DMD: variants seen among roughly 807,000 people sequenced by gnomAD.
DMD encodes the protein mutant dystrophin.
DMD carries 63 observed loss-of-function variants against 330.1 expected under a neutral mutation model. The ratio of observed to expected loss-of-function variants is 0.19; its 90% CI spans 0.16 to 0.24. The LOEUF (loss-of-function observed/expected upper bound fraction) is 0.24, where lower values mean the gene tolerates loss of function less well. Ranked by LOEUF, DMD falls within the 10% of genes least tolerant of loss-of-function variation. DMD has a pLI of 1.00. For missense variants in DMD, 3,344 were observed against 2,684.1 expected, an observed-to-expected ratio of 1.25 and a Z score of -5.43; for synonymous variants, 1,223 against 959.8, an observed-to-expected ratio of 1.27 and a Z score of -5.07.
intron 65 of DMD, among the ~76,000 whole-genome samples, 160 bp from the exon 66 acceptor site, chrX:31,206,827 C>T (rs749919899): frequency 8.9e-6 from 1 of 111,936 alleles, no homozygotes; most frequent in East Asian, 2.8e-4. Context: ...TTGTTTTGAA[C>T]TTTTCCAAAT....
chrX:31,969,441 T>C (rs977553392), intron 44 of DMD, among the ~76,000 whole-genome samples: 1 of 111,611 alleles, frequency 9.0e-6, no homozygotes, highest in African/African-American at 3.2e-5. Context: ...TTGAGGTACC[T>C]ACCGTATTTA....
At chrX:31,753,469 G>T (rs1401313475) in intron 51 of DMD, among the ~76,000 whole-genome samples, 1 of 111,481 alleles carries the variant, frequency 9.0e-6, no homozygotes, top group African/African-American at 3.3e-5. Flanking sequence ...TTATGAAGTG[G>T]AAGAAAATAC....
At chrX:32,376,554 T>C (rs2097903636) in intron 34 of DMD, among the ~76,000 whole-genome samples, 1 of 111,204 alleles carries the variant, frequency 9.0e-6, no homozygotes, top group Admixed American at 9.6e-5. Context: ...TGAAATACTA[T>C]TAAATTAATT....
intron 55 of DMD, among the ~76,000 whole-genome samples, chrX:31,540,620 G>A (rs945770661): frequency 8.9e-6 from 1 of 111,877 alleles, no homozygotes; most frequent in South Asian, 3.7e-4. Flanking sequence ...TTGACTCAGG[G>A]TTGGGGAATT....
At chrX:32,883,118 A>G (rs1458760308) in intron 2 of DMD, among the ~76,000 whole-genome samples, 2 of 112,041 alleles carry the variant, frequency 1.8e-5, no homozygotes, top group Non-Finnish European at 3.8e-5. Flanking sequence ...AATTAATTGC[A>G]TCTCATAATG....
chrX:32,367,978 A>T (rs1015402565), intron 34 of DMD, among the ~76,000 whole-genome samples: 1 of 111,989 alleles, frequency 8.9e-6, no homozygotes, highest in East Asian at 2.8e-4. Context: ...GTATTCAATC[A>T]TTTGTATACA....
intron 29 of DMD, among the ~76,000 whole-genome samples, chrX:32,419,455 T>A (rs1218439503): frequency 8.9e-6 from 1 of 112,453 alleles, no homozygotes; most frequent in Non-Finnish European, 1.9e-5. Context: ...TGAGGGGCTT[T>A]GGTACAGTGG....
chrX:32,459,666 G>A (rs1374970182), intron 25 of DMD, among the ~76,000 whole-genome samples: 1 of 110,904 alleles, frequency 9.0e-6, no homozygotes, highest in South Asian at 3.8e-4. Context: ...GACCTACAAT[G>A]TAGCTCATAA....
chrX:32,044,241 A>T (rs1312545924), intron 44 of DMD, among the ~76,000 whole-genome samples: 2 of 110,810 alleles, frequency 1.8e-5, no homozygotes, highest in Non-Finnish European at 3.8e-5. Context: ...CACACCAAAC[A>T]TATAATCAGA....
At chrX:32,186,598 G>C (rs1161175346) in intron 44 of DMD, among the ~76,000 whole-genome samples, 1 of 111,424 alleles carries the variant, frequency 9.0e-6, no homozygotes, top group Non-Finnish European at 1.9e-5. Context: ...CATTTGATTT[G>C]AACATGTACA....
chrX:32,943,837 C>G (rs759500850), intron 2 of DMD, among the ~76,000 whole-genome samples: 1 of 111,931 alleles, frequency 8.9e-6, no homozygotes, highest in African/African-American at 3.2e-5. Context: ...CAAATGAGAT[C>G]GAACATTTTT....
At chrX:31,431,150 A>T (rs189640657) in intron 60 of DMD, among the ~76,000 whole-genome samples, 1 of 110,838 alleles carries the variant, frequency 9.0e-6, no homozygotes, top group Non-Finnish European at 1.9e-5. Context: ...TAATCCACCT[A>T]CACTTGATTT....
intron 47 of DMD, among the ~76,000 whole-genome samples, chrX:31,895,361 G>T (rs1381083960): frequency 1.8e-5 from 2 of 112,089 alleles, no homozygotes; most frequent in East Asian, 5.6e-4. Context: ...TATGACTAGG[G>T]TTGCCTTATA....
At chrX:31,692,757 A>G (rs2083207931) in intron 52 of DMD, among the ~76,000 whole-genome samples, 1 of 111,883 alleles carries the variant, frequency 8.9e-6, no homozygotes, top group Admixed American at 9.5e-5. Flanking sequence ...CTAAGGAAAG[A>G]GTTAAGGAGA....
At chrX:31,336,925 TC>T (rs2057434478) in intron 61 of DMD, among the ~76,000 whole-genome samples, 1 of 94,336 alleles carries the variant, frequency 1.1e-5, no homozygotes. Flanking sequence ...TTTCTTTCTT[TC>T]TTTTTTTTTT....
chrX:31,546,115 T>C (rs1382160195), intron 55 of DMD, among the ~76,000 whole-genome samples: 1 of 112,365 alleles, frequency 8.9e-6, no homozygotes, highest in African/African-American at 3.2e-5. Context: ...CTGTATTAGA[T>C]GATTTTCCCG....
At chrX:32,904,022 T>A (rs2086526947) in intron 2 of DMD, among the ~76,000 whole-genome samples, 1 of 112,006 alleles carries the variant, frequency 8.9e-6, no homozygotes, top group South Asian at 3.7e-4. Context: ...ACAGAAATTT[T>A]CAACTGTCAA....
intron 44 of DMD, among the ~76,000 whole-genome samples, chrX:32,111,111 A>G (rs1385129905): frequency 8.9e-6 from 1 of 112,431 alleles, no homozygotes; most frequent in Non-Finnish European, 1.9e-5. Flanking sequence ...AATATATTTT[A>G]AAGGTCCATC....
chrX:33,301,249 C>A (rs1358993965), intron 1 of DMD, among the ~76,000 whole-genome samples: 1 of 111,331 alleles, frequency 9.0e-6, no homozygotes, highest in Non-Finnish European at 1.9e-5. Flanking sequence ...GCCTTAGGAA[C>A]TGTACGTACA....
Sources: allele counts gnomAD v4.1 joint callset (sites outside exome capture counted in the v4.1 genomes callset), GRCh38; gene constraint gnomAD v4.1.1; transcripts MANE v1.5; gene names NCBI Gene and HGNC (gene_info 2026-07-23, HGNC 2026-07-21).